LIMCH1: variants seen among roughly 807,000 people sequenced by gnomAD.
The protein encoded by LIMCH1 is LIM and calponin homology domains-containing protein 1.
In LIMCH1, 113 loss-of-function variants were observed where a neutral mutation model predicts 176.5. The observed-to-expected ratio is 0.64, with a 90% confidence interval of 0.55 to 0.75. The LOEUF (loss-of-function observed/expected upper bound fraction) is 0.75. LIMCH1 is among the 30% of genes least tolerant of loss of function. The pLI, the probability that LIMCH1 is intolerant of heterozygous loss-of-function variation, is 0.00. For missense variants in LIMCH1, 1,674 were observed against 1,814.9 expected (o/e 0.92, Z 1.41); for synonymous variants, 619 against 645.9 (o/e 0.96, Z 0.63).
At chr4:41,455,853 C>T (rs141222748) in intron 1 of LIMCH1, among the ~76,000 whole-genome samples, 22 of 152,260 alleles carry the variant, frequency 1.4e-4, no homozygotes, top group African/African-American at 4.3e-4. Flanking sequence ...AAAGACTCTT[C>T]GACCTCAGAC....
chr4:41,604,190 A>G, intron 3 of LIMCH1: 11 of 984,570 alleles, frequency 1.1e-5, no homozygotes, highest in Non-Finnish European at 1.3e-5. Flanking sequence ...CAAAATGATC[A>G]GGCTCAATAC....
intron 1 of LIMCH1, among the ~76,000 whole-genome samples, chr4:41,473,767 C>T (rs887466942): frequency 6.6e-6 from 1 of 152,186 alleles, no homozygotes; most frequent in Non-Finnish European, 1.5e-5. Context: ...TATAAAAAGA[C>T]AGCCTACAGA....
intron 29 of LIMCH1, among the ~76,000 whole-genome samples, chr4:41,688,420 C>G (rs1035993956): frequency 6.6e-6 from 1 of 152,176 alleles, no homozygotes; most frequent in Non-Finnish European, 1.5e-5. Context: ...CCTGGAGAGA[C>G]AAATTACTGA....
intron 13 of LIMCH1, among the ~76,000 whole-genome samples, chr4:41,636,875 A>G (rs914471132): frequency 3.6e-4 from 55 of 152,226 alleles, no homozygotes; most frequent in African/African-American, 1.2e-3. Context: ...AAATCACTCA[A>G]CGCTAATCTA....
chr4:41,489,182 A>G (rs1490709478), intron 1 of LIMCH1, among the ~76,000 whole-genome samples: 1 of 152,140 alleles, frequency 6.6e-6, no homozygotes, highest in Non-Finnish European at 1.5e-5. Flanking sequence ...ACTAAAAACA[A>G]AAGGGTTACT....
chr4:41,680,437 A>G (rs1186340244), intron 24 of LIMCH1, among the ~76,000 whole-genome samples: 19 of 152,212 alleles, frequency 1.2e-4, no homozygotes, highest in Non-Finnish European at 2.9e-5. Context: ...TTGTTTGGTA[A>G]TAGTGAATTA....
chr4:41,451,401 C>T (rs1308756195), intron 1 of LIMCH1, among the ~76,000 whole-genome samples: 1 of 152,104 alleles, frequency 6.6e-6, no homozygotes, highest in Non-Finnish European at 1.5e-5. Context: ...GCTGGGATTA[C>T]AGGCATGAGC....
Position 41,371,146 on chromosome 4 carries a change from A to G in LIMCH1, c.96+10210A>G, listed in dbSNP as rs566655049. On this transcript the variant is annotated intron_variant, in intron 1 of 26. Coordinates refer to the LIMCH1 transcript ENST00000313860. ...AAACTTCTAAAAAGATCATGGTCCC[A>G]AGTAACTACCTAACCAAGCAGGTGA... is the stretch of plus-strand genomic sequence containing the variant. Among the ~76,000 whole-genome samples, 83 of 152,346 alleles carry G rather than the reference A, an allele frequency of 5.4e-4. 1 individual carries two copies. Among genetic ancestry groups the G allele is most frequent in the African/African-American group, 1.9e-3 (79 of 41,592 alleles).
chr4:41,536,327 T>C (rs1164197982), upstream of LIMCH1, among the ~76,000 whole-genome samples: 1 of 152,196 alleles, frequency 6.6e-6, no homozygotes, highest in Non-Finnish European at 1.5e-5. Flanking sequence ...TTGGCAAGCA[T>C]TTCAAAAGAA....
intron 2 of LIMCH1, among the ~76,000 whole-genome samples, chr4:41,508,731 G>A (rs1280144190): frequency 6.6e-6 from 1 of 152,152 alleles, no homozygotes; most frequent in Non-Finnish European, 1.5e-5. Context: ...GAAACCAAGA[G>A]GGCTAAGAAG....
intron 1 of LIMCH1, among the ~76,000 whole-genome samples, chr4:41,470,816 G>A (rs1436048357): frequency 6.6e-6 from 1 of 151,846 alleles, no homozygotes; most frequent in Non-Finnish European, 1.5e-5. Context: ...TCATCTAGTG[G>A]CCTCTGACCG....
chr4:41,482,672 G>A (rs577615665), intron 1 of LIMCH1, among the ~76,000 whole-genome samples: 2 of 152,302 alleles, frequency 1.3e-5, no homozygotes, highest in Non-Finnish European at 2.9e-5. Context: ...ACTGGAAAGG[G>A]AGAAACCAAG....
intron 17 of LIMCH1, among the ~76,000 whole-genome samples, chr4:41,649,395 G>A (rs888866285): frequency 6.6e-6 from 1 of 151,990 alleles, no homozygotes; most frequent in Non-Finnish European, 1.5e-5. Flanking sequence ...GTGAGACCCC[G>A]TCTCAAAAAA....
intron 1 of LIMCH1, among the ~76,000 whole-genome samples, chr4:41,379,485 AACTT>A (rs1244983971): frequency 4.6e-5 from 7 of 152,174 alleles, no homozygotes; most frequent in Non-Finnish European, 8.8e-5. Context: ...CAGCCACCAT[AACTT>A]CCTAAGAAGT....
chr4:41,692,954 A>G (rs1023356478), intron 31 of LIMCH1: 2 of 152,224 alleles, frequency 1.3e-5, no homozygotes, highest in Non-Finnish European at 2.9e-5. Context: ...GCGCTTAACA[A>G]ATTATTTGCT....
intron 19 of LIMCH1, among the ~76,000 whole-genome samples, chr4:41,662,101 AT>A (rs1467745176): frequency 1.3e-5 from 2 of 152,134 alleles, no homozygotes; most frequent in East Asian, 1.9e-4. Context: ...CCAAATTATT[AT>A]TTTTTATAAG....
intron 19 of LIMCH1, 114 bp from the exon 20 acceptor site, chr4:41,662,707 T>G (rs1254318301): frequency 1.3e-5 from 14 of 1,106,666 alleles, no homozygotes; most frequent in Non-Finnish European, 1.9e-5. Context: ...TCAGCTTATA[T>G]TGCCAGGACG....
intron 14 of LIMCH1, among the ~76,000 whole-genome samples, chr4:41,642,513 C>G (rs1007225761): frequency 7.2e-5 from 11 of 151,906 alleles, no homozygotes; most frequent in African/African-American, 2.7e-4. Flanking sequence ...CCCTTCTCCT[C>G]TATCGAGGAC....
At chr4:41,494,684 G>A in intron 2 of LIMCH1, 5 of 938,522 alleles carry the variant, frequency 5.3e-6, no homozygotes, top group South Asian at 3.2e-5. Flanking sequence ...AAGACTTCTA[G>A]TGTTTTGTTT....
Sources: gnomAD v4.1 joint callset for allele counts (sites outside exome capture counted in the v4.1 genomes callset) on GRCh38, gnomAD v4.1.1 for gene constraint, MANE v1.5 for transcripts, NCBI Gene and HGNC (gene_info 2026-07-23, HGNC 2026-07-21) for gene names.